Variants in MEF2A observed in about 807,000 individuals in gnomAD.
The protein encoded by MEF2A is myocyte enhancer factor 2A.
In MEF2A, 28 loss-of-function variants were observed where a neutral mutation model predicts 55.8. That is an observed-to-expected ratio of 0.50 (90% CI 0.37 to 0.69). The LOEUF is 0.69. Among genes scored for constraint, MEF2A ranks in the 30% least tolerant of loss-of-function variants. MEF2A has a pLI of 0.00. For synonymous variants in MEF2A, 239 were observed against 227.1 expected (o/e 1.05, Z -0.47); for missense variants, 528 against 626.2 (o/e 0.84, Z 1.67).
intron 6 of MEF2A, among the ~76,000 whole-genome samples, chr15:99,674,974 T>C (rs538886260): frequency 6.6e-6 from 1 of 152,274 alleles, no homozygotes; most frequent in Non-Finnish European, 1.5e-5. Flanking sequence ...TTAGAGTATC[T>C]TTTACATCTC....
chr15:99,623,103 C>T lies in MEF2A; in HGVS notation c.-142-9875C>T, dbSNP rs1159500595. 2.0e-5 allele frequency among the ~76,000 whole-genome samples: 3 copies of T among 152,180 alleles called. No individual in the cohort carries two copies. The East Asian group carries it at 5.8e-4, about 29-fold the overall frequency. On this transcript the variant is annotated intron_variant, in intron 2 of 11. Coordinates refer to ENST00000557942, the MANE Select transcript of MEF2A (RefSeq NM_001319206.4). ...CCTAGCAACTAACTACCATTCTACT[C>T]TATGTCTCTGAATTTGACTACTTTA...
intron 2 of MEF2A, among the ~76,000 whole-genome samples, chr15:99,613,432 A>G (rs2039645287): frequency 6.6e-6 from 1 of 152,212 alleles, no homozygotes; most frequent in Admixed American, 6.5e-5. Context: ...AATCTAAACA[A>G]TACACACTTT....
intron 1 of MEF2A, among the ~76,000 whole-genome samples, chr15:99,574,644 G>A (rs771709721): frequency 9.2e-5 from 14 of 152,088 alleles, no homozygotes; most frequent in African/African-American, 1.7e-4. Context: ...AAGTGTTGCC[G>A]TTGATCTGAC....
At chr15:99,686,897 G>T (rs1000173159) in intron 7 of MEF2A, among the ~76,000 whole-genome samples, 8 of 150,390 alleles carry the variant, frequency 5.3e-5, no homozygotes, top group African/African-American at 1.9e-4. Flanking sequence ...TTTTTTGGAG[G>T]CTTTGTTCAT....
intron 4 of MEF2A, among the ~76,000 whole-genome samples, chr15:99,668,916 C>G (rs982932869): frequency 2.6e-5 from 4 of 152,144 alleles, no homozygotes; most frequent in African/African-American, 4.8e-5. Context: ...CACAAGTTGC[C>G]TATCAAACAG....
chr15:99,654,583 G>C lies in MEF2A; in HGVS notation c.258+8819G>C, dbSNP rs547690137. On this transcript the variant is annotated intron_variant, in intron 4 of 11. Coordinates refer to ENST00000557942, the MANE Select transcript of MEF2A (RefSeq NM_001319206.4). ...AAATAAAAATAAATTAAAAAAAAAG[G>C]GGGGGGTATTGGTTATTTCATGTAA... Among the ~76,000 whole-genome samples, 429 of 151,304 alleles carry C rather than the reference G, an allele frequency of 2.8e-3. 3 individuals are homozygous for C. The highest frequency in any genetic ancestry group is 4.1e-3 in the Non-Finnish European group (281 of 67,806).
intron 2 of MEF2A, among the ~76,000 whole-genome samples, chr15:99,602,581 A>G (rs1018944438): frequency 1.3e-5 from 2 of 151,384 alleles, no homozygotes; most frequent in African/African-American, 4.9e-5. Context: ...TTGGGCCGCG[A>G]CCAATTATCA....
chr15:99,705,423 CAGT>C (rs1567498838), intron 9 of MEF2A, among the ~76,000 whole-genome samples: 1 of 152,222 alleles, frequency 6.6e-6, no homozygotes, highest in Non-Finnish European at 1.5e-5. Context: ...TTGATTCTCA[CAGT>C]AGCTGTGCAA....
chr15:99,700,517 CACAA>C (rs1186651834), intron 8 of MEF2A, among the ~76,000 whole-genome samples: 6 of 151,078 alleles, frequency 4.0e-5, no homozygotes, highest in Non-Finnish European at 5.9e-5. Flanking sequence ...GTCACACACA[CACAA>C]AAAAGGTACA....
chr15:99,580,325 C>G (rs1404764810), intron 1 of MEF2A, among the ~76,000 whole-genome samples: 1 of 152,088 alleles, frequency 6.6e-6, no homozygotes, highest in African/African-American at 2.4e-5. Flanking sequence ...TTTCCTTTTC[C>G]TTTCTTGTTT....
At chr15:99,618,919 A>G (rs1176618826) in intron 2 of MEF2A, among the ~76,000 whole-genome samples, 1 of 152,234 alleles carries the variant, frequency 6.6e-6, no homozygotes, top group Non-Finnish European at 1.5e-5. Context: ...GACAAGCTTT[A>G]TGTTTTAAGG....
At chr15:99,567,184 C>T (rs1314876199) in intron 1 of MEF2A, among the ~76,000 whole-genome samples, 2 of 152,228 alleles carry the variant, frequency 1.3e-5, no homozygotes, top group Non-Finnish European at 2.9e-5. Context: ...ATAGTGTTAA[C>T]CTGCGTTTTA....
chr15:99,638,992 T>A (rs1399836781), intron 3 of MEF2A, among the ~76,000 whole-genome samples: 1 of 152,142 alleles, frequency 6.6e-6, no homozygotes, highest in Non-Finnish European at 1.5e-5. Flanking sequence ...TCTTTGGTCT[T>A]CCAACAACTA....
chr15:99,693,768 C>T (rs928654236), intron 8 of MEF2A, among the ~76,000 whole-genome samples: 3 of 152,052 alleles, frequency 2.0e-5, no homozygotes, highest in Admixed American at 6.6e-5. Context: ...ACTGTGATCC[C>T]AGCAAAAACT....
At position 99,714,295 on chromosome 15, in the gene MEF2A, G is replaced by C. The variant is rs1162805802; in HGVS notation, c.*1524G>C. On this transcript the variant is annotated 3_prime_UTR_variant, in exon 12 of 12. Transcript: ENST00000557942. Reference sequence around the variant, plus strand: ...AGGAAAAAATGTAGTAGAAAAAGCTGACCTAATTTAATTAATATTAGAGAA... The same window carrying C: ...AGGAAAAAATGTAGTAGAAAAAGCTCACCTAATTTAATTAATATTAGAGAA... 1 of 152,156 alleles carries C rather than the reference G, an allele frequency of 6.6e-6. No homozygotes were observed. Among genetic ancestry groups the C allele is most frequent in the African/African-American group, 2.4e-5 (1 of 41,430 alleles). 9.4% of individuals were successfully genotyped at this position (152,156 alleles called of 1,614,324 possible). A position where few individuals can be genotyped will look rare whatever the true frequency, so the allele number is the denominator to read the frequency against.
chr15:99,616,465 G>T (rs534319110), intron 2 of MEF2A, among the ~76,000 whole-genome samples: 1 of 152,184 alleles, frequency 6.6e-6, no homozygotes, highest in South Asian at 2.1e-4. Flanking sequence ...AGTCAATGAG[G>T]TAACATATTA....
chr15:99,662,557 C>G (rs1339758683), intron 4 of MEF2A, among the ~76,000 whole-genome samples: 1 of 151,870 alleles, frequency 6.6e-6, no homozygotes, highest in Admixed American at 6.6e-5. Context: ...TCACTGCAAC[C>G]TCCACCTCCT....
chr15:99,688,733 G>A (rs1183001579), intron 7 of MEF2A, among the ~76,000 whole-genome samples: 10 of 151,998 alleles, frequency 6.6e-5, no homozygotes, highest in Non-Finnish European at 1.3e-4. Context: ...CTCCAGCCTG[G>A]GCAACAGGGC....
chr15:99,633,778 T>C (rs2043300413), intron 3 of MEF2A, among the ~76,000 whole-genome samples: 1 of 152,174 alleles, frequency 6.6e-6, no homozygotes, highest in Non-Finnish European at 1.5e-5. Context: ...GGCCAGAAGT[T>C]TTAAGTGTCT....
Sources: gnomAD v4.1 joint callset for allele counts (sites outside exome capture counted in the v4.1 genomes callset) on GRCh38, gnomAD v4.1.1 for gene constraint, MANE v1.5 for transcripts, NCBI Gene and HGNC (gene_info 2026-07-23, HGNC 2026-07-21) for gene names.